The following NPAS3 variants were observed in gnomAD, a reference collection of about 807,000 sequenced individuals.
The protein encoded by NPAS3 is neuronal PAS domain-containing protein 3.
A neutral mutation model predicts 73.1 loss-of-function variants in NPAS3; 14 were observed. That is an observed-to-expected ratio of 0.19 (90% confidence interval 0.13 to 0.30). The LOEUF is 0.30. Ranked by LOEUF, NPAS3 falls within the 10% of genes least tolerant of loss-of-function variation. The probability of loss-of-function intolerance (pLI) is 1.00; values close to 1 mark genes in which losing one functional copy is unlikely to be tolerated. For synonymous variants in NPAS3, 620 were observed against 541.5 expected (o/e 1.14, Z -2.01); for missense variants, 1,096 against 1,250.0 (o/e 0.88, Z 1.86).
intron 1 of NPAS3, among the ~76,000 whole-genome samples, chr14:33,002,908 T>C (rs1348034287): frequency 6.6e-6 from 1 of 152,148 alleles, no homozygotes; most frequent in Non-Finnish European, 1.5e-5. Flanking sequence ...TGTTGGGGTT[T>C]GTGACCTTGG....
In NPAS3 at chr14:33,784,750, T is replaced by TTATTTATTTTTA. The variant is rs1555333514; in HGVS notation, c.1153+6179_1153+6180insATTTATTTTTAT. 2.6e-3 allele frequency among the ~76,000 whole-genome samples: 314 copies of TTATTTATTTTTA among 123,016 alleles called. 1 individual carries two copies. Among genetic ancestry groups the TTATTTATTTTTA allele is most frequent in the Middle Eastern group, 3.9e-3 (1 of 258 alleles). The allele number at this position is 123,016 out of a possible 152,430, so 80.7% of individuals were successfully genotyped here. On this transcript the variant is annotated intron_variant, in intron 9 of 11. Transcript: ENST00000356141. ...ATTTATTTATTTATTTATTTATTTTTTTTTTTTTTTTTTTTTTGAGACAGA... is the reference window on the plus strand; with the variant it reads ...ATTTATTTATTTATTTATTTATTTTTTATTTATTTTTATTTTTTTTTTTTTTTTTGAGACAGA...
rs973790552 is a variant in NPAS3, at chr14:33,746,817, A to G, written c.852+11485A>G. On this transcript the variant is annotated intron_variant, in intron 7 of 11. Coordinates refer to ENST00000356141, the Ensembl canonical transcript of NPAS3. ...GTGCAGGTTAGTTACATATGTATAC[A>G]TGTGCCATGCCGGTGTGCTGCACCC... Among the ~76,000 whole-genome samples the G allele has an allele frequency of 5.3e-5, 8 of 152,148 alleles. 1 individual carries two copies. The East Asian group carries it at 1.4e-3, about 26-fold the overall frequency.
intron 3 of NPAS3, among the ~76,000 whole-genome samples, chr14:33,292,467 T>C (rs243283): frequency 1 from 152,218 of 152,248 alleles, 76,094 homozygotes; most frequent in Middle Eastern, 1. Flanking sequence ...ATTTCTTTAT[T>C]GTGAAAAAAT....
chr14:33,683,047 G>A (rs2059984217), intron 6 of NPAS3, among the ~76,000 whole-genome samples: 1 of 67,774 alleles, frequency 1.5e-5, no homozygotes, highest in Non-Finnish European at 2.4e-5. Context: ...ATGCCATTCT[G>A]AAACTAACTT....
At chr14:33,180,254 G>A (rs66634041) in intron 2 of NPAS3, among the ~76,000 whole-genome samples, 36,759 of 151,166 alleles carry the variant, frequency 0.24, 4,905 homozygotes, top group East Asian at 0.51. Flanking sequence ...TTTTCTTATC[G>A]TATCTCCATT....
At chr14:33,526,622 CA>C (rs1192808119) in intron 4 of NPAS3, among the ~76,000 whole-genome samples, 1 of 151,302 alleles carries the variant, frequency 6.6e-6, no homozygotes, top group African/African-American at 2.4e-5. Flanking sequence ...GCAACGAGAT[CA>C]GGGGAAAAAA....
At chr14:33,303,181 A>G (rs2042622646) in intron 3 of NPAS3, among the ~76,000 whole-genome samples, 1 of 152,012 alleles carries the variant, frequency 6.6e-6, no homozygotes. Flanking sequence ...AAAATTTAGA[A>G]CCTTCATTCT....
At chr14:33,425,931 C>T (rs1338504283) in intron 4 of NPAS3, among the ~76,000 whole-genome samples, 1 of 152,016 alleles carries the variant, frequency 6.6e-6, no homozygotes, top group Non-Finnish European at 1.5e-5. Context: ...TGGGACCTAG[C>T]AGTGTGTTTC....
chr14:33,088,148 A>T (rs905892104), intron 2 of NPAS3, among the ~76,000 whole-genome samples: 3 of 152,086 alleles, frequency 2.0e-5, no homozygotes, highest in African/African-American at 7.2e-5. Context: ...TTTCCAACTG[A>T]GGTACTGGGT....
intron 3 of NPAS3, among the ~76,000 whole-genome samples, chr14:33,216,713 T>C (rs936513967): frequency 1.3e-5 from 2 of 152,170 alleles, no homozygotes; most frequent in Non-Finnish European, 2.9e-5. Flanking sequence ...AATAAAACTA[T>C]ATTTACAAAA....
intron 2 of NPAS3, among the ~76,000 whole-genome samples, chr14:33,168,285 G>C (rs576881400): frequency 4.0e-4 from 61 of 152,240 alleles, no homozygotes; most frequent in Admixed American, 1.4e-3. Context: ...ACAGCTTACT[G>C]TGTGTAGAAC....
chr14:33,637,823 T>C (rs974272322), intron 5 of NPAS3, among the ~76,000 whole-genome samples: 5 of 152,196 alleles, frequency 3.3e-5, no homozygotes, highest in Non-Finnish European at 7.3e-5. Flanking sequence ...GAAGAAAACT[T>C]CCACAAATCT....
At chr14:32,970,720 A>G (rs1185605142) in intron 1 of NPAS3, among the ~76,000 whole-genome samples, 1 of 152,018 alleles carries the variant, frequency 6.6e-6, no homozygotes, top group Non-Finnish European at 1.5e-5. Context: ...TTTGCTGGCA[A>G]TCTCTAGCAC....
chr14:33,442,537 A>G (rs2049300503), intron 4 of NPAS3, among the ~76,000 whole-genome samples: 1 of 152,224 alleles, frequency 6.6e-6, no homozygotes, highest in African/African-American at 2.4e-5. Context: ...TTGAATCATG[A>G]GGGTGGTTCC....
chr14:33,508,306 G>C (rs10131549), intron 4 of NPAS3, among the ~76,000 whole-genome samples: 99,760 of 151,878 alleles, frequency 0.66, 32,911 homozygotes, highest in South Asian at 0.74. Flanking sequence ...GACAAATCAC[G>C]CCTTCCAGAT....
At chr14:32,972,349 T>A (rs1314529954) in intron 1 of NPAS3, among the ~76,000 whole-genome samples, 1 of 152,192 alleles carries the variant, frequency 6.6e-6, no homozygotes, top group African/African-American at 2.4e-5. Flanking sequence ...TTAAGCCTTA[T>A]TAAGGAATGA....
chr14:33,177,732 G>A (rs1165388993), intron 2 of NPAS3, among the ~76,000 whole-genome samples: 1 of 152,172 alleles, frequency 6.6e-6, no homozygotes, highest in Non-Finnish European at 1.5e-5. Flanking sequence ...AAATTCAGTT[G>A]CTCCAGCACA....
intron 2 of NPAS3, among the ~76,000 whole-genome samples, chr14:33,089,756 G>A (rs959104535): frequency 2.6e-5 from 4 of 152,092 alleles, no homozygotes; most frequent in African/African-American, 9.7e-5. Flanking sequence ...GAGAAAGGTC[G>A]GGTTACCCAC....
chr14:33,054,092 C>T (rs1177701627), intron 1 of NPAS3, among the ~76,000 whole-genome samples: 1 of 152,216 alleles, frequency 6.6e-6, no homozygotes, highest in Non-Finnish European at 1.5e-5. Context: ...AACAACTTCT[C>T]AGGATTTGTT....
Sources: gnomAD v4.1 joint callset for allele counts (sites outside exome capture counted in the v4.1 genomes callset) on GRCh38, gnomAD v4.1.1 for gene constraint, MANE v1.5 for transcripts, NCBI Gene and HGNC (gene_info 2026-07-23, HGNC 2026-07-21) for gene names.